Variants in ZFYVE28 observed in about 807,000 individuals in gnomAD.
The protein encoded by ZFYVE28 is lateral signaling target protein 2 homolog.
A neutral mutation model predicts 82.1 loss-of-function variants in ZFYVE28; 40 were observed. The ratio of observed to expected loss-of-function variants is 0.49; its 90% CI spans 0.38 to 0.63. ZFYVE28 has a LOEUF of 0.63. Ranked by LOEUF, ZFYVE28 falls within the 30% of genes least tolerant of loss-of-function variation. The pLI is 0.00. For synonymous variants in ZFYVE28, 612 were observed against 546.1 expected (o/e 1.12, Z -1.68); for missense variants, 1,321 against 1,242.1 (o/e 1.06, Z -0.96).
At chr4:2,283,298 A>G (rs940013049) in intron 8 of ZFYVE28, among the ~76,000 whole-genome samples, 4 of 144,664 alleles carry the variant, frequency 2.8e-5, no homozygotes, top group African/African-American at 1.1e-4. Flanking sequence ...CCATCATCCA[A>G]TCTTCCACTC....
chr4:2,282,799 C>G (rs1269561054), intron 8 of ZFYVE28, among the ~76,000 whole-genome samples: 1 of 152,126 alleles, frequency 6.6e-6, no homozygotes, highest in Non-Finnish European at 1.5e-5. Flanking sequence ...TTTGCAAAGG[C>G]TAATGAAGAG....
chr4:2,297,334 C>G (rs1055471874), intron 8 of ZFYVE28, among the ~76,000 whole-genome samples: 1 of 152,196 alleles, frequency 6.6e-6, no homozygotes, highest in Non-Finnish European at 1.5e-5. Flanking sequence ...CGGGATAGAC[C>G]GGCTGCAGGC....
intron 6 of ZFYVE28, among the ~76,000 whole-genome samples, chr4:2,322,118 C>G (rs1719172731): frequency 6.6e-6 from 1 of 152,244 alleles, no homozygotes; most frequent in Admixed American, 6.5e-5. Context: ...TGCTGCTCAG[C>G]AGCTCTGCAG....
intron 2 of ZFYVE28, among the ~76,000 whole-genome samples, chr4:2,342,306 C>T (rs1722943633): frequency 6.6e-6 from 1 of 152,220 alleles, no homozygotes; most frequent in African/African-American, 2.4e-5. Flanking sequence ...GACTCCATCC[C>T]TCATGGCTGT....
rs1349477790 is a variant in ZFYVE28 at position 2,372,029 on chromosome 4, GGCCATGCACGA to G, written c.40-17967_40-17957del. On this transcript the variant is annotated intron_variant, in intron 1 of 12. Coordinates refer to ENST00000290974, the MANE Select transcript of ZFYVE28 (RefSeq NM_020972.3). This position sits in a 1 kb window ranked among gnomAD's most constrained non-coding sequence, Gnocchi z 5.2. ...GAGCTGGGGGCTGGCAGGGGTGCAAGGCCATGCACGAGCCTCAGGTCAGCCCAGTGGAAGCC... is the reference window on the plus strand; with the variant it reads ...GAGCTGGGGGCTGGCAGGGGTGCAAGGCCTCAGGTCAGCCCAGTGGAAGCC... 6.6e-6 allele frequency among the ~76,000 whole-genome samples: 1 copy of G among 152,260 alleles called. No individual in the cohort carries two copies. The highest frequency in any genetic ancestry group is 2.4e-5 in the African/African-American group (1 of 41,476).
rs749824015 is a variant in ZFYVE28 at position 2,394,605 on chromosome 4, G to A, written c.39+23680C>T. Among the ~76,000 whole-genome samples the A allele has an allele frequency of 1.3e-5, 2 of 152,178 alleles. No homozygotes were observed. The highest frequency in any genetic ancestry group is 3.9e-4 in the East Asian group (2 of 5,190). Reference sequence around the variant, plus strand: ...GCACATAAGGTCCTAAAACATCAACGCCTCCTTTCTAACAAGGCACATGCT... The same window carrying A: ...GCACATAAGGTCCTAAAACATCAACACCTCCTTTCTAACAAGGCACATGCT... On this transcript the variant is annotated intron_variant, in intron 1 of 12. Coordinates refer to ENST00000290974, the MANE Select transcript of ZFYVE28 (RefSeq NM_020972.3). This position sits in a 1 kb window ranked among gnomAD's most constrained non-coding sequence, Gnocchi z 4.0.
chr4:2,304,123 C>T (rs1325796968), intron 8 of ZFYVE28, among the ~76,000 whole-genome samples, 166 bp downstream of exon 8: 5 of 152,246 alleles, frequency 3.3e-5, no homozygotes, highest in Admixed American at 2.0e-4. Flanking sequence ...CCAGCTCCTG[C>T]CCCTGCCCCT....
intron 6 of ZFYVE28, chr4:2,324,512 C>T (rs147958055): frequency 2.1e-4 from 39 of 183,188 alleles, no homozygotes; most frequent in African/African-American, 3.3e-4. Flanking sequence ...CATTTGAAGG[C>T]GCTTTTGAGG....
intron 4 of ZFYVE28, among the ~76,000 whole-genome samples, chr4:2,338,493 C>A (rs551374236): frequency 6.6e-6 from 1 of 151,988 alleles, no homozygotes; most frequent in Non-Finnish European, 1.5e-5. Context: ...CTTGGGAGGC[C>A]GAGGCAGGAG....
At chr4:2,308,704 A>AAAAAG (rs1490329645) in intron 7 of ZFYVE28, among the ~76,000 whole-genome samples, 1 of 124,626 alleles carries the variant, frequency 8.0e-6, no homozygotes, top group East Asian at 2.1e-4. Context: ...AAAGAAAAGA[A>AAAAAG]AAAAGAAAAG....
At chr4:2,333,572 C>T (rs1010820664) in intron 6 of ZFYVE28, among the ~76,000 whole-genome samples, 2 of 152,098 alleles carry the variant, frequency 1.3e-5, no homozygotes, top group African/African-American at 4.8e-5. Flanking sequence ...CTGCACACTC[C>T]AGGCCCGACC....
chr4:2,333,260 A>G (rs995485675), intron 6 of ZFYVE28, among the ~76,000 whole-genome samples: 1 of 11,208 alleles, frequency 8.9e-5, no homozygotes, highest in African/African-American at 3.6e-4. Flanking sequence ...ACACTCCCCC[A>G]CCTCCCTCCC....
In ZFYVE28 at chr4:2,304,631, C is replaced by T; in HGVS notation, c.1709G>A (p.Cys570Tyr). ...CACCACGTCCTCCCTGCTGTCCCCG[C>T]AGCTCCCACAGCACACGCAGGAATG... The part of the protein sequence containing the change: ...LLHSCVCCGS[C>Y]GDSREDVVER... The change falls in exon 8 of 13, where the codon TGC becomes TAC. Residue 570 changes from cysteine (C) to tyrosine (Y), a missense_variant. Transcript: ENST00000290974. The T allele has an allele frequency of 6.2e-7, 1 of 1,612,568 alleles. No homozygotes were observed. The highest frequency in any genetic ancestry group is 8.5e-7 in the Non-Finnish European group (1 of 1,179,864).
chr4:2,285,545 CT>C (rs1712599861), intron 8 of ZFYVE28: 1 of 152,364 alleles, frequency 6.6e-6, no homozygotes, highest in Non-Finnish European at 1.5e-5. Flanking sequence ...AAGTCATTCT[CT>C]CTCGTGGTTT....
intron 6 of ZFYVE28, chr4:2,330,518 G>A (rs1560213515): frequency 1.7e-6 from 2 of 1,146,590 alleles, no homozygotes; most frequent in Non-Finnish European, 2.2e-6. Flanking sequence ...ACAGGGGAGA[G>A]GACATTGCAG....
At chr4:2,355,166 G>A (rs1725049868) in intron 1 of ZFYVE28, among the ~76,000 whole-genome samples, 1 of 122,346 alleles carries the variant, frequency 8.2e-6, no homozygotes, top group Non-Finnish European at 1.6e-5. Flanking sequence ...AGGATTCAAA[G>A]AAGCCCCTTA....
intron 1 of ZFYVE28, chr4:2,364,592 G>T: frequency 1.0e-6 from 1 of 985,564 alleles, no homozygotes; most frequent in Non-Finnish European, 1.2e-6. Context: ...AGACGCCCGG[G>T]TGGGCTCCAG....
intron 1 of ZFYVE28, among the ~76,000 whole-genome samples, chr4:2,413,064 A>G (rs1732685021): frequency 6.6e-6 from 1 of 152,316 alleles, no homozygotes; most frequent in Non-Finnish European, 1.5e-5. Context: ...GAGTGATGAC[A>G]GAGTCGGCGC....
rs374333611 is a variant in ZFYVE28 at position 2,304,549 on chromosome 4, G to A, written c.1791C>T (p.Ala597=). The A allele has an allele frequency of 4.0e-4, 645 of 1,612,720 alleles. 3 individuals carry two copies. The highest frequency in any genetic ancestry group is 2.5e-3 in the South Asian group (225 of 91,066). ...CCCTGTCGCTGGCCTTGGCTAAGCC[G>A]GCAGCGTACGAGGCACCAATGACGC... ...PGGVIGASYA[A]GLAKASDRAP... is the part of the protein sequence containing the mutation. Residue 597 remains alanine, a synonymous_variant, in exon 8 of 13, where the codon GCC becomes GCT. Coordinates refer to ENST00000290974, the MANE Select transcript of ZFYVE28 (RefSeq NM_020972.3).
Sources: allele counts gnomAD v4.1 joint callset (sites outside exome capture counted in the v4.1 genomes callset), GRCh38; gene constraint gnomAD v4.1.1; non-coding constraint Gnocchi (gnomAD v3.1); transcripts MANE v1.5; gene names NCBI Gene and HGNC (gene_info 2026-07-23, HGNC 2026-07-21).